Variants in CLCA1 observed in about 807,000 individuals in gnomAD.
CLCA1 encodes chloride channel accessory 1.
Under a neutral mutation model 85.6 loss-of-function variants are expected in CLCA1, and 59 were observed. That is an observed-to-expected ratio of 0.69 (90% CI 0.56 to 0.86). The LOEUF (loss-of-function observed/expected upper bound fraction) is 0.86, where lower values mean the gene tolerates loss of function less well. CLCA1 is among the 40% of genes least tolerant of loss of function. CLCA1 has a pLI of 0.00. For missense variants in CLCA1, 1,022 were observed against 1,101.4 expected (o/e 0.93, Z 1.02); for synonymous variants, 396 against 398.3 (o/e 0.99, Z 0.07).
intron 8 of CLCA1, among the ~76,000 whole-genome samples, chr1:86,490,754 G>A (rs1480665498): frequency 1.3e-5 from 2 of 151,942 alleles, no homozygotes; most frequent in East Asian, 1.9e-4. Flanking sequence ...TGTTGCTGAA[G>A]CTATTATTTA....
chr1:86,469,066 A>G lies in CLCA1; in HGVS notation c.95A>G (p.Tyr32Cys), dbSNP rs749679890. 4 of 1,612,422 alleles carry G rather than the reference A, an allele frequency of 2.5e-6. No individual in the cohort carries two copies. The Admixed American group carries it at 6.7e-5, about 27-fold the overall frequency. The change falls in exon 1 of 14, where the codon TAT becomes TGT. Residue 32 changes from tyrosine to cysteine, a missense_variant. By Grantham distance (194) the Tyr-to-Cys change is radical. Transcript: ENST00000394711. ...NSLIQLNNNG[Y>C]EGIVVAIDPN... ...CTCATTCAGCTGAACAACAATGGCT[A>G]TGAAGGCATTGTCGTTGCAATCGAC...
intron 1 of CLCA1, among the ~76,000 whole-genome samples, chr1:86,473,040 C>T (rs751770000): frequency 1.5e-4 from 23 of 152,164 alleles, no homozygotes; most frequent in Non-Finnish European, 2.4e-4. Context: ...AACACTGTTC[C>T]TAGCACATCA....
chr1:86,477,067 A>C (rs942491360), intron 4 of CLCA1, among the ~76,000 whole-genome samples: 1 of 152,026 alleles, frequency 6.6e-6, no homozygotes, highest in Admixed American at 6.5e-5. Context: ...ACATTACCAC[A>C]TCAGACTAAT....
chr1:86,476,373 A>G lies in CLCA1; in HGVS notation c.452-75A>G, dbSNP rs1173113872. 5.5e-6 allele frequency: 4 copies of G among 722,514 alleles called. No homozygotes were observed. The African/African-American group carries it at 7.1e-5, about 13-fold the overall frequency. The allele number at this position is 722,514 out of a possible 1,614,324, so 44.8% of individuals were successfully genotyped here. A position where few individuals can be genotyped will look rare whatever the true frequency, so the allele number is the denominator to read the frequency against. ...ACAGCAAAGCATAAATATTCCAAAC[A>G]TTGCTTTCTTCCAGTGTGAGAAGGT... On this transcript the variant is annotated intron_variant, in intron 3 of 13. Transcript: ENST00000394711.
intron 1 of CLCA1, among the ~76,000 whole-genome samples, chr1:86,469,742 G>T (rs1045904418): frequency 3.9e-5 from 6 of 152,154 alleles, no homozygotes; most frequent in Non-Finnish European, 8.8e-5. Flanking sequence ...ATTGAAGAAG[G>T]TCTTGTACAA....
rs373781786 is a variant in CLCA1, at chr1:86,499,811, C to T, written c.2511C>T (p.Gly837=). 2 of 1,613,690 alleles carry T rather than the reference C, an allele frequency of 1.2e-6. No individual in the cohort carries two copies. The highest frequency in any genetic ancestry group is 2.7e-5 in the African/African-American group (2 of 74,916). Reference sequence around the variant, plus strand: ...CAGAAAACATTACTTTTGAAAATGGCACAGATCTTTTCATTGCTATTCAGG... The same window carrying T: ...CAGAAAACATTACTTTTGAAAATGGTACAGATCTTTTCATTGCTATTCAGG... ...FKPENITFEN[G]TDLFIAIQAV... is the part of the protein sequence containing the mutation. Residue 837 remains glycine, a synonymous_variant, in exon 14 of 14, where the codon GGC becomes GGT. Transcript: ENST00000394711.
chr1:86,474,206 T>C (rs1647579776), intron 3 of CLCA1, among the ~76,000 whole-genome samples: 1 of 152,242 alleles, frequency 6.6e-6, no homozygotes, highest in African/African-American at 2.4e-5. Flanking sequence ...GAATTAAATC[T>C]TCTACCTGCA....
At chr1:86,487,245 C>A (rs901174458) in intron 7 of CLCA1, among the ~76,000 whole-genome samples, 7 of 152,200 alleles carry the variant, frequency 4.6e-5, no homozygotes, top group African/African-American at 1.7e-4. Flanking sequence ...TTACCCCTGT[C>A]ACCCACCCAA....
chr1:86,499,032 T>C (rs1558149048), intron 13 of CLCA1, among the ~76,000 whole-genome samples: 1 of 152,186 alleles, frequency 6.6e-6, no homozygotes, highest in Non-Finnish European at 1.5e-5. Flanking sequence ...CCAGGAAGGG[T>C]AAACCTCACT....
At chr1:86,493,321 A>C in intron 9 of CLCA1, 63 bp from the exon 10 acceptor site, 4 of 1,316,772 alleles carry the variant, frequency 3.0e-6, no homozygotes. Flanking sequence ...CAGGGGCAGA[A>C]GGGAAAAGAT....
intron 5 of CLCA1, among the ~76,000 whole-genome samples, chr1:86,484,667 G>A (rs1015617907): frequency 1.6e-4 from 25 of 152,172 alleles, no homozygotes; most frequent in Non-Finnish European, 3.5e-4. Context: ...TGGCTTGGGT[G>A]ATGGATATTT....
At chr1:86,469,744 C>G (rs1215659146) in intron 1 of CLCA1, among the ~76,000 whole-genome samples, 1 of 152,162 alleles carries the variant, frequency 6.6e-6, no homozygotes, top group Admixed American at 6.5e-5. Flanking sequence ...TGAAGAAGGT[C>G]TTGTACAACA....
Position 86,486,918 on chromosome 1 carries a change from A to G in CLCA1, c.1182+165A>G, listed in dbSNP as rs2075630. Among the ~76,000 whole-genome samples the G allele has an allele frequency of 0.59, 89,999 of 152,014 alleles. 28,184 individuals carry two copies. The highest frequency in any genetic ancestry group is 0.79 in the East Asian group (4,087 of 5,164). On this transcript the variant is annotated intron_variant, in intron 7 of 13. Transcript: ENST00000394711. ...AGACTGTTTAGCCACATGAAACAGA[A>G]TAGGAGGTTGAAAGGGGCTGGCAGG...
At chr1:86,497,550 G>A (rs1648326223) in intron 12 of CLCA1, among the ~76,000 whole-genome samples, 1 of 152,088 alleles carries the variant, frequency 6.6e-6, no homozygotes, top group Admixed American at 6.5e-5. Flanking sequence ...TCTTCAACAA[G>A]AATGTGAATG....
At chr1:86,493,623 T>TA (rs1648197749) in intron 10 of CLCA1, 24 bp downstream of exon 10, 1 of 1,520,564 alleles carries the variant, frequency 6.6e-7, no homozygotes, top group Admixed American at 1.7e-5. Flanking sequence ...TTTTTTTCTT[T>TA]CTCATAATTC....
chr1:86,487,529 C>A (rs947016829), intron 7 of CLCA1, among the ~76,000 whole-genome samples: 10 of 152,094 alleles, frequency 6.6e-5, no homozygotes, highest in Admixed American at 1.3e-4. Flanking sequence ...AGGCAAAGGA[C>A]CTTGGATCTT....
intron 12 of CLCA1, among the ~76,000 whole-genome samples, chr1:86,497,492 T>A (rs1648324733): frequency 6.6e-6 from 1 of 152,194 alleles, no homozygotes; most frequent in South Asian, 2.1e-4. Flanking sequence ...CTCTACAGAT[T>A]GAACAGACCA....
chr1:86,485,527 T>C lies in CLCA1; in HGVS notation c.920T>C (p.Val307Ala). The C allele has an allele frequency of 6.2e-7, 1 of 1,614,158 alleles. No individual in the cohort carries two copies. Among genetic ancestry groups the C allele is most frequent in the Non-Finnish European group, 8.5e-7 (1 of 1,180,016 alleles). Reference protein sequence around the residue: ...FSLLQIGQRIVCLVLDKSGSM... With the variant: ...FSLLQIGQRIACLVLDKSGSM... ...TTGCTGCAGATTGGACAAAGAATTG[T>C]GTGTTTAGTCCTTGACAAATCTGGA... The change falls in exon 6 of 14, where the codon GTG becomes GCG. Residue 307 changes from valine (V) to alanine (A), a missense_variant. Physicochemically the swap from Val to Ala is moderately conservative, Grantham distance 64. Transcript: ENST00000394711.
intron 5 of CLCA1, among the ~76,000 whole-genome samples, chr1:86,484,827 T>C (rs1197477047): frequency 1.4e-5 from 2 of 143,126 alleles, no homozygotes; most frequent in Non-Finnish European, 3.1e-5. Flanking sequence ...AGGAAATACC[T>C]GAGGAGGAGG....
Sources: allele counts gnomAD v4.1 joint callset (sites outside exome capture counted in the v4.1 genomes callset), GRCh38; gene constraint gnomAD v4.1.1; transcripts MANE v1.5; gene names NCBI Gene and HGNC (gene_info 2026-07-23, HGNC 2026-07-21).